Variants in RBM39 observed in about 807,000 individuals in gnomAD.
RBM39 encodes RNA-binding protein 39.
A neutral mutation model predicts 79.6 loss-of-function variants in RBM39; 12 were observed. The observed-to-expected ratio is 0.15, with a 90% CI of 0.10 to 0.24. RBM39 has a LOEUF of 0.24. RBM39 is among the 10% of genes least tolerant of loss of function. RBM39 has a pLI of 1.00. For synonymous variants in RBM39, 185 were observed against 208.4 expected (o/e 0.89, Z 0.97); for missense variants, 243 against 653.4 (o/e 0.37, Z 6.85).
intron 6 of RBM39, among the ~76,000 whole-genome samples, chr20:35,725,657 CTTTTTTTTTT>C (rs773506913): frequency 2.4e-4 from 29 of 122,216 alleles, no homozygotes; most frequent in Admixed American, 2.2e-3. Flanking sequence ...AACCCATTTT[CTTTTTTTTTT>C]TTTTTTTTTT....
At chr20:35,741,023 C>CTTTTTTTTT in intron 1 of RBM39, 136 bp from the exon 2 acceptor site, 1 of 83,942 alleles carries the variant, frequency 1.2e-5, no homozygotes, top group Non-Finnish European at 2.2e-5. Context: ...CGTGAGTAAA[C>CTTTTTTTTT]ATTTTTCTTT....
intron 9 of RBM39, among the ~76,000 whole-genome samples, chr20:35,721,502 T>A (rs971121696): frequency 2.6e-5 from 4 of 152,226 alleles, no homozygotes; most frequent in Non-Finnish European, 4.4e-5. Context: ...GTGGACTTTT[T>A]ATTAACTCTA....
chr20:35,742,055 G>C lies in RBM39; in HGVS notation c.-128C>G, dbSNP rs1227073501. On this transcript the variant is annotated 5_prime_UTR_variant, in exon 1 of 17. Transcript: ENST00000253363. ...TGCTACTGTTAAGCCCCTAGGCCCA[G>C]GCCGCGGAACCGCCCAGCCCGAATA... The C allele has an allele frequency of 5.0e-6, 1 of 199,786 alleles. No homozygotes were observed. The highest frequency in any genetic ancestry group is 2.4e-5 in the African/African-American group (1 of 41,734). 12.4% of individuals were successfully genotyped at this position (199,786 alleles called of 1,614,324 possible).
At chr20:35,736,212 T>C (rs186171568) in intron 3 of RBM39, among the ~76,000 whole-genome samples, 1 of 152,312 alleles carries the variant, frequency 6.6e-6, no homozygotes, top group East Asian at 1.9e-4. Context: ...AAACCATTAC[T>C]GTGGCAGAAA....
intron 13 of RBM39, 177 bp downstream of exon 13, chr20:35,709,047 G>T: frequency 2.1e-6 from 1 of 471,818 alleles, no homozygotes; most frequent in Non-Finnish European, 3.7e-6. Flanking sequence ...CCATTAATTT[G>T]GGTTAGGTCT....
chr20:35,732,024 T>C lies in RBM39; in HGVS notation c.213A>G (p.Arg71=). The change falls in exon 4 of 17, where the codon AGA becomes AGG. Residue 71 remains arginine (R), a synonymous_variant. Coordinates refer to ENST00000253363, the MANE Select transcript of RBM39 (RefSeq NM_184234.3). ...RERKKSKSRE[R]KRSRSKERRR... is the part of the protein sequence containing the mutation. Reference sequence around the variant, plus strand: ...GCCTCTCTTTGCTTCTACTTCGCTTTCTTTCACGGCTTTTGCTCTTTTTCC... The same window carrying C: ...GCCTCTCTTTGCTTCTACTTCGCTTCCTTTCACGGCTTTTGCTCTTTTTCC... The C allele has an allele frequency of 6.2e-7, 1 of 1,614,198 alleles. No homozygotes were observed. The highest frequency in any genetic ancestry group is 8.5e-7 in the Non-Finnish European group (1 of 1,180,036).
intron 4 of RBM39, among the ~76,000 whole-genome samples, chr20:35,730,224 T>C (rs1000488480): frequency 1.3e-5 from 2 of 152,206 alleles, no homozygotes; most frequent in African/African-American, 4.8e-5. Flanking sequence ...TAACAGAGTG[T>C]TTTCACAAAG....
Position 35,703,812 on chromosome 20 carries a change from C to T in RBM39, c.*669G>A, listed in dbSNP as rs1254430196. ...CTATTTCTGCATTTCCTATTTCTTT[C>T]TCAGACTGCTTTGCCTACCAGACTC... On this transcript the variant is annotated 3_prime_UTR_variant, in exon 17 of 17. Coordinates refer to ENST00000253363, the MANE Select transcript of RBM39 (RefSeq NM_184234.3). The T allele has an allele frequency of 6.6e-6, 1 of 152,424 alleles. No individual in the cohort carries two copies. Among genetic ancestry groups the T allele is most frequent in the African/African-American group, 2.4e-5 (1 of 41,456 alleles). The allele number at this position is 152,424 out of a possible 1,614,324, so 9.4% of individuals were successfully genotyped here.
In RBM39 at chr20:35,732,069, C is replaced by T; in HGVS notation, c.168G>A (p.Lys56=). The change falls in exon 4 of 17, where the codon AAG becomes AAA. Residue 56 remains lysine (K), a synonymous_variant. Coordinates refer to ENST00000253363, the MANE Select transcript of RBM39 (RefSeq NM_184234.3). ...ERKRSKSKER[K]RSRDRERKKS... ...TTTTCCTTTCTCTGTCTCTACTTCG[C>T]TTCCGTTCCTTACTTTTGCTTCTCT... 3 of 1,614,088 alleles carry T rather than the reference C, an allele frequency of 1.9e-6. No homozygotes were observed. The highest frequency in any genetic ancestry group is 2.5e-6 in the Non-Finnish European group (3 of 1,180,044).
At chr20:35,734,243 A>C (rs2039677683) in intron 3 of RBM39, 2 of 1,303,670 alleles carry the variant, frequency 1.5e-6, no homozygotes, top group Non-Finnish European at 2.0e-6. Flanking sequence ...CTTTCCAAGG[A>C]GGCAGAAAGT....
intron 3 of RBM39, chr20:35,735,217 G>C (rs769364326): frequency 8.0e-7 from 1 of 1,254,636 alleles, no homozygotes; most frequent in Non-Finnish European, 1.0e-6. Flanking sequence ...AGAGCTTAAC[G>C]GAATGGACGC....
rs1375032082 is a variant in RBM39, at chr20:35,702,342, A to G, written c.*2139T>C. On this transcript the variant is annotated 3_prime_UTR_variant, in exon 17 of 17. Coordinates refer to ENST00000253363, the MANE Select transcript of RBM39 (RefSeq NM_184234.3). Reference sequence around the variant, plus strand: ...TGATTGGACATAAACAGTTTCACTCAGAATGAGCTGTTTTCTATGCACGAC... The same window carrying G: ...TGATTGGACATAAACAGTTTCACTCGGAATGAGCTGTTTTCTATGCACGAC... 1 of 152,260 alleles carries G rather than the reference A, an allele frequency of 6.6e-6. No individual in the cohort carries two copies. Among genetic ancestry groups the G allele is most frequent in the Non-Finnish European group, 1.5e-5 (1 of 68,042 alleles). 9.4% of individuals were successfully genotyped at this position (152,260 alleles called of 1,614,324 possible).
intron 3 of RBM39, among the ~76,000 whole-genome samples, chr20:35,737,587 G>A (rs2040074247): frequency 6.6e-6 from 1 of 151,348 alleles, no homozygotes; most frequent in Non-Finnish European, 1.5e-5. Context: ...CAGAGGCTGG[G>A]CACGGTGGCT....
At chr20:35,741,024 A>ATTTTTTTT (rs1600675384) in intron 1 of RBM39, 137 bp from the exon 2 acceptor site, 41 of 77,992 alleles carry the variant, frequency 5.3e-4, no homozygotes, top group South Asian at 2.6e-3. Context: ...GTGAGTAAAC[A>ATTTTTTTT]TTTTTCTTTT....
chr20:35,738,264 A>T (rs2425121), intron 3 of RBM39, among the ~76,000 whole-genome samples: 28,432 of 151,936 alleles, frequency 0.19, 3,066 homozygotes, highest in African/African-American at 0.31. Context: ...CAAGACTCCG[A>T]CTCACAAGAA....
At chr20:35,738,280 A>G (rs2040187578) in intron 3 of RBM39, among the ~76,000 whole-genome samples, 1 of 152,248 alleles carries the variant, frequency 6.6e-6, no homozygotes, top group Non-Finnish European at 1.5e-5. Context: ...AAGAAAAGAA[A>G]AAAAAAAAGT....
rs2037998755 is a variant in RBM39 at position 35,722,005 on chromosome 20, C to T, written c.688-128G>A. The T allele has an allele frequency of 4.8e-6, 5 of 1,050,200 alleles. No individual in the cohort carries two copies. The East Asian group carries it at 1.2e-4, about 26-fold the overall frequency. 65.1% of individuals were successfully genotyped at this position (1,050,200 alleles called of 1,614,324 possible). On this transcript the variant is annotated intron_variant, in intron 8 of 16. Coordinates refer to ENST00000253363, the MANE Select transcript of RBM39 (RefSeq NM_184234.3). The stretch of plus-strand genomic sequence containing the variant: ...AATACTACCCTACGTAAGTCAGATA[C>T]TACATATCAACTTAATAGGAGGCAT...
At chr20:35,727,649 TA>T (rs1396584130) in intron 6 of RBM39, among the ~76,000 whole-genome samples, 5 of 127,766 alleles carry the variant, frequency 3.9e-5, no homozygotes, top group Non-Finnish European at 8.0e-5. Flanking sequence ...CTAATTTTTG[TA>T]TTTTTTTTTT....
chr20:35,710,957 C>T (rs1330847400), intron 12 of RBM39, among the ~76,000 whole-genome samples: 1 of 152,108 alleles, frequency 6.6e-6, no homozygotes, highest in Non-Finnish European at 1.5e-5. Context: ...TAGCTGGCTA[C>T]ATTCAAACAA....
Sources: gnomAD v4.1 joint callset for allele counts (sites outside exome capture counted in the v4.1 genomes callset) on GRCh38, gnomAD v4.1.1 for gene constraint, MANE v1.5 for transcripts, NCBI Gene and HGNC (gene_info 2026-07-23, HGNC 2026-07-21) for gene names.